The following DIP2C variants were observed in gnomAD, a reference collection of about 807,000 sequenced individuals.
The protein encoded by DIP2C is disco-interacting protein 2 homolog C.
In DIP2C, 33 loss-of-function variants were observed where a neutral mutation model predicts 192.4. The ratio of observed to expected loss-of-function variants is 0.17; its 90% CI spans 0.13 to 0.23. The LOEUF (loss-of-function observed/expected upper bound fraction) is 0.23, where lower values mean the gene tolerates loss of function less well. DIP2C is among the 10% of genes least tolerant of loss of function. DIP2C has a pLI of 1.00. For synonymous variants in DIP2C, 979 were observed against 864.1 expected (o/e 1.13, Z -2.33); for missense variants, 1,537 against 2,110.1 (o/e 0.73, Z 5.32).
intron 1 of DIP2C, among the ~76,000 whole-genome samples, chr10:507,699 G>C (rs773904581): frequency 6.6e-6 from 1 of 152,154 alleles, no homozygotes; most frequent in Non-Finnish European, 1.5e-5. Flanking sequence ...TATGCGCACA[G>C]GTGAGTTTGT....
intron 4 of DIP2C, among the ~76,000 whole-genome samples, chr10:436,455 ACTTGGCAGGGTGGCATGCTCCGCC>A (rs1967208600): frequency 2.6e-5 from 4 of 152,236 alleles, no homozygotes; most frequent in Admixed American, 2.6e-4. Context: ...CGCCTCCTGG[ACTTGGCAGGGTGGCATGCTCCGCC>A]CACACCAGAG....
chr10:380,607 G>A (rs1962280402), intron 17 of DIP2C, among the ~76,000 whole-genome samples: 1 of 152,234 alleles, frequency 6.6e-6, no homozygotes, highest in Non-Finnish European at 1.5e-5. Flanking sequence ...AACAAAACAG[G>A]GGAATGTAGC....
chr10:393,807 G>A (rs138195594), intron 10 of DIP2C, among the ~76,000 whole-genome samples: 1,169 of 89,300 alleles, frequency 0.013, 1 homozygote, highest in Middle Eastern at 0.027. Context: ...GAAAAAAAAA[G>A]AAAAAGAAAA....
rs543475981 is a variant in DIP2C at position 411,897 on chromosome 10, G to A, written c.1057+2016C>T. Among the ~76,000 whole-genome samples the A allele has an allele frequency of 8.5e-5, 13 of 152,322 alleles. No homozygotes were observed. The East Asian group carries it at 2.3e-3, about 27-fold the overall frequency. ...GCTGTAATCTTAAATTTGGAAATGT[G>A]TTGCTTTCTTACATTCCTTTAACAA... is the stretch of plus-strand genomic sequence containing the variant. On this transcript the variant is annotated intron_variant, in intron 8 of 36. Coordinates refer to ENST00000280886, the MANE Select transcript of DIP2C (RefSeq NM_014974.3).
chr10:657,322 C>A (rs548205537), intron 1 of DIP2C, among the ~76,000 whole-genome samples: 1 of 24,194 alleles, frequency 4.1e-5, no homozygotes, highest in African/African-American at 1.2e-4. Flanking sequence ...CCTGGACCTG[C>A]CCCTGGACCT....
chr10:578,172 A>T (rs1370804487), intron 1 of DIP2C, among the ~76,000 whole-genome samples: 1 of 152,182 alleles, frequency 6.6e-6, no homozygotes, highest in African/African-American at 2.4e-5. Flanking sequence ...CATCCTTCCA[A>T]ACAGTACCTG....
At chr10:543,180 G>T (rs1161568098) in intron 1 of DIP2C, among the ~76,000 whole-genome samples, 1 of 152,248 alleles carries the variant, frequency 6.6e-6, no homozygotes, top group Non-Finnish European at 1.5e-5. Flanking sequence ...TCGTGTTCCT[G>T]AATCTTCTGC....
At chr10:526,223 G>A (rs931354665) in intron 1 of DIP2C, among the ~76,000 whole-genome samples, 8 of 152,180 alleles carry the variant, frequency 5.3e-5, no homozygotes, top group Non-Finnish European at 1.2e-4. Context: ...GCCCACAGCC[G>A]CGTGGTTTCC....
rs1857104409 is a variant in DIP2C at position 666,547 on chromosome 10, A to C, written c.85+22947T>G. The C allele has an allele frequency of 6.6e-6, 1 of 151,520 alleles. No individual in the cohort carries two copies. The highest frequency in any genetic ancestry group is 1.5e-5 in the Non-Finnish European group (1 of 68,084). 9.4% of individuals were successfully genotyped at this position (151,520 alleles called of 1,614,324 possible). A position where few individuals can be genotyped will look rare whatever the true frequency, so the allele number is the denominator to read the frequency against. ...GACTCCGGGAGCAGCCGGTTTCTGCACACAGGTAACATAGAACTGGGGGTA... is the reference window on the plus strand; with the variant it reads ...GACTCCGGGAGCAGCCGGTTTCTGCCCACAGGTAACATAGAACTGGGGGTA... On this transcript the variant is annotated intron_variant, in intron 1 of 36. Transcript: ENST00000280886. The surrounding 1 kb of genome is among the most constrained non-coding windows in gnomAD (Gnocchi z 4.1).
In DIP2C at chr10:301,664, G is replaced by A. The variant is rs1956054310; in HGVS notation, c.3986+8367C>T. 3.3e-5 allele frequency among the ~76,000 whole-genome samples: 5 copies of A among 152,354 alleles called. No individual in the cohort carries two copies. In the South Asian group the frequency reaches 1.0e-3, roughly 32 times the overall value. On this transcript the variant is annotated intron_variant, in intron 32 of 36. Coordinates refer to ENST00000280886, the MANE Select transcript of DIP2C (RefSeq NM_014974.3). ...AGGAGAGACAAAAATATGGCAACAA[G>A]CCTGCCTCTTCCATCTCCTGAAAAC...
chr10:558,150 C>T (rs897397672), intron 1 of DIP2C, among the ~76,000 whole-genome samples: 1 of 152,174 alleles, frequency 6.6e-6, no homozygotes. Flanking sequence ...TTACCAGCCA[C>T]GCTGTTCCCC....
chr10:522,706 C>T (rs1051183007), intron 1 of DIP2C, among the ~76,000 whole-genome samples: 2 of 152,224 alleles, frequency 1.3e-5, no homozygotes, highest in Admixed American at 6.5e-5. Context: ...GGTCTTTGGT[C>T]CATTTTTTCA....
intron 1 of DIP2C, among the ~76,000 whole-genome samples, chr10:571,249 G>A (rs771817591): frequency 5.9e-5 from 9 of 152,186 alleles, no homozygotes; most frequent in Non-Finnish European, 1.2e-4. Context: ...CTGTGCGGAC[G>A]ACCTCTTCGG....
At chr10:648,754 G>A (rs907726315) in intron 1 of DIP2C, among the ~76,000 whole-genome samples, 3 of 148,598 alleles carry the variant, frequency 2.0e-5, no homozygotes, top group Admixed American at 1.3e-4. Context: ...GACAGTGGGC[G>A]AGAACAGAGG....
At chr10:667,663 AAC>A (rs1857178387) in intron 1 of DIP2C, 1 of 152,254 alleles carries the variant, frequency 6.6e-6, no homozygotes, top group Admixed American at 6.6e-5. Context: ...TGCAACTCAC[AAC>A]ACAACACGTA....
chr10:504,572 G>GT (rs1165440024), intron 1 of DIP2C, among the ~76,000 whole-genome samples: 1 of 152,048 alleles, frequency 6.6e-6, no homozygotes, highest in African/African-American at 2.4e-5. Context: ...TGACCATGCA[G>GT]AGAAGCACCC....
At chr10:364,789 C>T (rs561926928) in intron 19 of DIP2C, among the ~76,000 whole-genome samples, 1 of 152,292 alleles carries the variant, frequency 6.6e-6, no homozygotes, top group South Asian at 2.1e-4. Flanking sequence ...CAGCAGGACC[C>T]CATCCGTTCC....
intron 1 of DIP2C, chr10:667,284 GAC>G (rs1857153042): frequency 6.6e-6 from 1 of 152,478 alleles, no homozygotes. Flanking sequence ...ACGAGAGAGA[GAC>G]GAGAGAGGCA....
chr10:292,731 A>G (rs1955553119), intron 32 of DIP2C, among the ~76,000 whole-genome samples: 1 of 152,158 alleles, frequency 6.6e-6, no homozygotes, highest in African/African-American at 2.4e-5. Flanking sequence ...TGCTGCTGAG[A>G]TAATCAGGTT....
Sources: gnomAD v4.1 joint callset for allele counts (sites outside exome capture counted in the v4.1 genomes callset) on GRCh38, gnomAD v4.1.1 for gene constraint, Gnocchi (gnomAD v3.1) non-coding constraint, MANE v1.5 for transcripts, NCBI Gene and HGNC (gene_info 2026-07-23, HGNC 2026-07-21) for gene names.